Variants in KCNJ14 observed in about 807,000 individuals in gnomAD.
The protein encoded by KCNJ14 is potassium inwardly rectifying channel subfamily J member 14, also known as ATP-sensitive inward rectifier potassium channel 14.
Under a neutral mutation model 24.5 loss-of-function variants are expected in KCNJ14, and 18 were observed. The observed-to-expected ratio is 0.74, with a 90% confidence interval of 0.51 to 1.09. The LOEUF (loss-of-function observed/expected upper bound fraction) is 1.09. Ranked by LOEUF, KCNJ14 falls within the 50% of genes least tolerant of loss-of-function variation. KCNJ14 has a pLI of 0.00. For missense variants in KCNJ14, 633 were observed against 623.0 expected, an observed-to-expected ratio of 1.02 and a Z score of -0.17; for synonymous variants, 288 against 270.8, an observed-to-expected ratio of 1.06 and a Z score of -0.63.
rs190507578 is a variant in KCNJ14, at chr19:48,459,067, C to T, written c.-55-2603C>T. On this transcript the variant is annotated intron_variant, in intron 1 of 2. Coordinates refer to ENST00000342291, the MANE Select transcript of KCNJ14 (RefSeq NM_013348.4). ...CATCCTGGCTAACATGGTGAAACCC[C>T]GTCTCTACTAAAAATACAAAAAAAA... 1.8e-4 allele frequency among the ~76,000 whole-genome samples: 28 copies of T among 151,440 alleles called. No homozygotes were observed. The East Asian group carries it at 4.9e-3, about 26-fold the overall frequency.
chr19:48,464,843 G>A lies in KCNJ14; in HGVS notation c.*66G>A. On this transcript the variant is annotated 3_prime_UTR_variant, in exon 3 of 3. Coordinates refer to ENST00000342291, the MANE Select transcript of KCNJ14 (RefSeq NM_013348.4). ...CAAGGTAGCAAGATGGAGGGATGGG[G>A]CTCTCTCCTGGGATGGGGGCAGGTG... 2 of 1,196,628 alleles carry A rather than the reference G, an allele frequency of 1.7e-6. No homozygotes were observed. Among genetic ancestry groups the A allele is most frequent in the East Asian group, 4.7e-5 (2 of 42,816 alleles). The allele number at this position is 1,196,628 out of a possible 1,614,324, so 74.1% of individuals were successfully genotyped here.
intron 1 of KCNJ14, 176 bp from the exon 2 acceptor site, chr19:48,461,494 C>T (rs1971594333): frequency 5.5e-6 from 2 of 365,070 alleles, no homozygotes; most frequent in Non-Finnish European, 9.5e-6. Flanking sequence ...TGCCACTGCA[C>T]TCCAGCTTGG....
rs397711889 is a variant in KCNJ14, at chr19:48,465,322, CAA to C, written c.*558_*559del. ...AAGATCATCTTGATTGACCAAAGACCAAAAAAAAAAAAAAGACCTGTGGTTCC... is the reference window on the plus strand; with the variant it reads ...AAGATCATCTTGATTGACCAAAGACCAAAAAAAAAAAAGACCTGTGGTTCC... On this transcript the variant is annotated 3_prime_UTR_variant, in exon 3 of 3. Transcript: ENST00000342291. 3.8e-4 allele frequency: 50 copies of C among 130,752 alleles called. No homozygotes were observed. Among genetic ancestry groups the C allele is most frequent in the Admixed American group, 5.4e-4 (7 of 12,914 alleles). The allele number at this position is 130,752 out of a possible 1,614,324, so 8.1% of individuals were successfully genotyped here.
rs1054904887 is a variant in KCNJ14, at chr19:48,464,513, C to G, written c.1047C>G (p.Phe349Leu). The change falls in exon 3 of 3, where the codon TTC becomes TTG. Residue 349 changes from phenylalanine to leucine, a missense_variant. By Grantham distance (22) the Phe-to-Leu change is conservative (BLOSUM62 0). Coordinates refer to ENST00000342291, the MANE Select transcript of KCNJ14 (RefSeq NM_013348.4). ...GSQYEVDYRH[F>L]HRTYEVPGTP... ...AGTATGAGGTCGACTATCGCCACTT[C>G]CATCGCACTTATGAGGTCCCAGGGA... The G allele has an allele frequency of 3.7e-6, 6 of 1,614,082 alleles. No homozygotes were observed. The African/African-American group carries it at 6.7e-5, about 18-fold the overall frequency.
In KCNJ14 at chr19:48,462,182, G is replaced by T; in HGVS notation, c.458G>T (p.Arg153Leu). The change falls in exon 2 of 3, where the codon CGC becomes CTC. Residue 153 changes from arginine (R) to leucine (L), a missense_variant. By Grantham distance (102) the Arg-to-Leu change is moderately radical (BLOSUM62 -2). Transcript: ENST00000342291. The surrounding 1 kb of genome is among the most constrained non-coding windows in gnomAD (Gnocchi z 4.9). ...ETQTSIGYGV[R>L]SVTEECPAAV... ...CAGACGTCCATCGGCTACGGCGTGCGCAGCGTCACCGAGGAGTGCCCGGCC... is the reference window on the plus strand; with the variant it reads ...CAGACGTCCATCGGCTACGGCGTGCTCAGCGTCACCGAGGAGTGCCCGGCC... 1 of 1,563,658 alleles carries T rather than the reference G, an allele frequency of 6.4e-7. No homozygotes were observed. Among genetic ancestry groups the T allele is most frequent in the South Asian group, 1.2e-5 (1 of 85,650 alleles).
chr19:48,460,019 C>CAAAA (rs548938477), intron 1 of KCNJ14, among the ~76,000 whole-genome samples: 5 of 123,128 alleles, frequency 4.1e-5, no homozygotes, highest in East Asian at 4.7e-4. Context: ...GAGTCCATCT[C>CAAAA]AAAAAAAAAA....
chr19:48,465,088 T>C lies in KCNJ14; in HGVS notation c.*311T>C, dbSNP rs952624422. The C allele has an allele frequency of 3.0e-6, 1 of 338,894 alleles. No individual in the cohort carries two copies. The highest frequency in any genetic ancestry group is 5.4e-6 in the Non-Finnish European group (1 of 183,654). 21.0% of individuals were successfully genotyped at this position (338,894 alleles called of 1,614,324 possible). ...ATTCCTCTATATGGGGAGACCTGGATTGTTGACCAGGGTGAGAAGCCAATG... is the reference window on the plus strand; with the variant it reads ...ATTCCTCTATATGGGGAGACCTGGACTGTTGACCAGGGTGAGAAGCCAATG... On this transcript the variant is annotated 3_prime_UTR_variant, in exon 3 of 3. Coordinates refer to ENST00000342291, the MANE Select transcript of KCNJ14 (RefSeq NM_013348.4).
intron 1 of KCNJ14, among the ~76,000 whole-genome samples, chr19:48,458,371 C>G (rs1569082424): frequency 6.6e-6 from 1 of 152,180 alleles, no homozygotes; most frequent in Non-Finnish European, 1.5e-5. Flanking sequence ...TATAGCCATT[C>G]TAAGTGGGTG....
chr19:48,457,939 G>T (rs1013350045), intron 1 of KCNJ14, among the ~76,000 whole-genome samples: 3 of 152,098 alleles, frequency 2.0e-5, no homozygotes, highest in African/African-American at 7.2e-5. Context: ...GCCTACCTTG[G>T]CCTCCCAAAG....
At position 48,464,755 on chromosome 19, in the gene KCNJ14, T is replaced by G; in HGVS notation, c.1289T>G (p.Leu430Arg). Residue 430 changes from leucine (L) to arginine (R), a missense_variant, in exon 3 of 3, where the codon CTG (leucine) becomes CGG (arginine). Coordinates refer to ENST00000342291, the MANE Select transcript of KCNJ14 (RefSeq NM_013348.4). ...AGCCCCCGAGTTCTCACACCAACCC[T>G]GGCGCTGACCCTGCCTCCATGATGC... is the stretch of plus-strand genomic sequence containing the variant. The part of the protein sequence containing the change: ...AASPRVLTPT[L>R]ALTLPP 1 of 1,605,460 alleles carries G rather than the reference T, an allele frequency of 6.2e-7. No individual in the cohort carries two copies. Among genetic ancestry groups the G allele is most frequent in the Non-Finnish European group, 8.5e-7 (1 of 1,179,560 alleles).
At chr19:48,459,737 T>G (rs569796954) in intron 1 of KCNJ14, among the ~76,000 whole-genome samples, 1 of 152,178 alleles carries the variant, frequency 6.6e-6, no homozygotes, top group Admixed American at 6.5e-5. Context: ...CACAAAAGTT[T>G]TTTAGTTCTG....
At chr19:48,461,529 A>C (rs1431388325) in intron 1 of KCNJ14, 141 bp from the exon 2 acceptor site, 1 of 134,090 alleles carries the variant, frequency 7.5e-6, no homozygotes, top group South Asian at 2.4e-4. Flanking sequence ...CTCTGTCTCC[A>C]AAAAAAAAAA....
rs1408261149 is a variant in KCNJ14 at position 48,458,995 on chromosome 19, C to T, written c.-55-2675C>T. ...GTGGCTCACGCCTGTAATCCCAGCACTTTGGGAGGCCGAGACAGGCGGATC... is the reference window on the plus strand; with the variant it reads ...GTGGCTCACGCCTGTAATCCCAGCATTTTGGGAGGCCGAGACAGGCGGATC... On this transcript the variant is annotated intron_variant, in intron 1 of 2. Coordinates refer to ENST00000342291, the MANE Select transcript of KCNJ14 (RefSeq NM_013348.4). Among the ~76,000 whole-genome samples, 4 of 142,744 alleles carry T rather than the reference C, an allele frequency of 2.8e-5. No homozygotes were observed. The East Asian group carries it at 8.6e-4, about 31-fold the overall frequency. The allele number at this position is 142,744 out of a possible 152,430, so 93.6% of individuals were successfully genotyped here.
intron 1 of KCNJ14, among the ~76,000 whole-genome samples, chr19:48,459,578 T>C (rs1480510803): frequency 1.3e-5 from 2 of 152,118 alleles, no homozygotes; most frequent in African/African-American, 4.8e-5. Context: ...AATTTTTTTG[T>C]AGAGCAAGCC....
At position 48,461,829 on chromosome 19, in the gene KCNJ14, G is replaced by C. The variant is rs1357444692; in HGVS notation, c.105G>C (p.Gly35=). The part of the protein sequence containing the change: ...EEAGPGLCRN[G]WAPAPVQSPV... ...CCGGGCCCGGGTTGTGCCGCAACGG[G>C]TGGGCGCCGGCACCGGTGCAGTCAC... Residue 35 remains glycine (G), a synonymous_variant, in exon 2 of 3, where the codon GGG becomes GGC. Transcript: ENST00000342291. The C allele has an allele frequency of 2.0e-6, 3 of 1,509,132 alleles. No individual in the cohort carries two copies. The highest frequency in any genetic ancestry group is 2.4e-5 in the East Asian group (1 of 41,550). The allele number at this position is 1,509,132 out of a possible 1,614,324, so 93.5% of individuals were successfully genotyped here.
At chr19:48,459,053 A>C (rs1381848181) in intron 1 of KCNJ14, among the ~76,000 whole-genome samples, 1 of 151,768 alleles carries the variant, frequency 6.6e-6, no homozygotes, top group Non-Finnish European at 1.5e-5. Flanking sequence ...ATCCTGGCTA[A>C]CATGGTGAAA....
At chr19:48,459,701 C>T (rs886618059) in intron 1 of KCNJ14, among the ~76,000 whole-genome samples, 5 of 152,104 alleles carry the variant, frequency 3.3e-5, no homozygotes, top group Admixed American at 2.6e-4. Flanking sequence ...GGCCTCTCTT[C>T]ACTTTCTTGA....
intron 1 of KCNJ14, chr19:48,461,334 CAA>C (rs1214148265): frequency 2.6e-5 from 3 of 116,374 alleles, no homozygotes; most frequent in Admixed American, 9.6e-5. Context: ...GACTCCGTCT[CAA>C]AAAAAAAAAG....
chr19:48,457,113 A>G (rs1168471329), intron 1 of KCNJ14: 6 of 151,780 alleles, frequency 4.0e-5, no homozygotes, highest in Non-Finnish European at 8.8e-5. Context: ...CCCCCACCTC[A>G]GTCTCCACAG....
Sources: allele counts gnomAD v4.1 joint callset (sites outside exome capture counted in the v4.1 genomes callset), GRCh38; gene constraint gnomAD v4.1.1; non-coding constraint Gnocchi (gnomAD v3.1); transcripts MANE v1.5; gene names NCBI Gene and HGNC (gene_info 2026-07-23, HGNC 2026-07-21).